TTC27: variants seen among roughly 807,000 people sequenced by gnomAD.
TTC27 encodes tetratricopeptide repeat domain 27.
In TTC27, 79 loss-of-function variants were observed where a neutral mutation model predicts 115.9. The ratio of observed to expected loss-of-function variants is 0.68; its 90% confidence interval spans 0.57 to 0.82. The LOEUF (loss-of-function observed/expected upper bound fraction) is 0.82. TTC27 is among the 40% of genes least tolerant of loss of function. The probability of loss-of-function intolerance (pLI) is 0.00; values close to 1 mark genes in which losing one functional copy is unlikely to be tolerated. For missense variants in TTC27, 1,054 were observed against 993.1 expected (o/e 1.06, Z -0.82); for synonymous variants, 401 against 356.0 (o/e 1.13, Z -1.42).
At chr2:32,637,840 C>G (rs895404110) in intron 3 of TTC27, among the ~76,000 whole-genome samples, 2 of 152,196 alleles carry the variant, frequency 1.3e-5, no homozygotes, top group Non-Finnish European at 2.9e-5. Flanking sequence ...TTGGGGTTCT[C>G]ACAGAATACC....
At chr2:32,711,958 T>C (rs1283143044) in intron 10 of TTC27, among the ~76,000 whole-genome samples, 1 of 151,716 alleles carries the variant, frequency 6.6e-6, no homozygotes, top group Non-Finnish European at 1.5e-5. Flanking sequence ...AAAAAAAGAC[T>C]TAAGGAAAAT....
chr2:32,819,803 C>A (rs1671619725), intron 19 of TTC27, among the ~76,000 whole-genome samples: 1 of 152,128 alleles, frequency 6.6e-6, no homozygotes, highest in African/African-American at 2.4e-5. Flanking sequence ...AGATTTGACC[C>A]CTTACAGTCT....
In TTC27 at chr2:32,790,966, C is replaced by T. The variant is rs1215688333; in HGVS notation, c.1998+3817C>T. On this transcript the variant is annotated intron_variant, in intron 16 of 19. Transcript: ENST00000317907. ...TTATTTCTTTTTTCTTGCCTAATTG[C>T]TCTGTCTAGGACTTCCAGTACTATG... Among the ~76,000 whole-genome samples the T allele has an allele frequency of 3.9e-5, 6 of 152,154 alleles. 2 individuals are homozygous for T. Among genetic ancestry groups the T allele is most frequent in the Admixed American group, 3.3e-4 (5 of 15,270 alleles).
At chr2:32,636,777 T>C (rs760489940) in intron 3 of TTC27, among the ~76,000 whole-genome samples, 9 of 152,144 alleles carry the variant, frequency 5.9e-5, no homozygotes, top group Non-Finnish European at 7.4e-5. Flanking sequence ...ACAAAGAGAT[T>C]TGTGGAAGCT....
chr2:32,656,361 G>A (rs1301129615), intron 5 of TTC27, among the ~76,000 whole-genome samples: 1 of 152,158 alleles, frequency 6.6e-6, no homozygotes, highest in African/African-American at 2.4e-5. Flanking sequence ...CGAAGTGGCT[G>A]ATACTTGCAC....
chr2:32,756,500 C>A (rs1166316746), intron 12 of TTC27, among the ~76,000 whole-genome samples: 1 of 152,196 alleles, frequency 6.6e-6, no homozygotes, highest in African/African-American at 2.4e-5. Context: ...TCCAGTTTCA[C>A]TTTCAGATTA....
intron 10 of TTC27, among the ~76,000 whole-genome samples, chr2:32,717,513 T>C (rs924315051): frequency 6.6e-6 from 1 of 152,236 alleles, no homozygotes; most frequent in African/African-American, 2.4e-5. Context: ...CAGCTACCAC[T>C]GCTTCTTTCC....
intron 7 of TTC27, among the ~76,000 whole-genome samples, chr2:32,669,006 G>GA (rs1370513643): frequency 1.3e-5 from 2 of 152,086 alleles, no homozygotes; most frequent in Non-Finnish European, 2.9e-5. Flanking sequence ...GTGAACCCGG[G>GA]AGGCGGAGCT....
At chr2:32,804,071 A>G (rs1671052196) in intron 16 of TTC27, among the ~76,000 whole-genome samples, 1 of 152,152 alleles carries the variant, frequency 6.6e-6, no homozygotes, top group Non-Finnish European at 1.5e-5. Context: ...TAGTCAATAA[A>G]CATTTGGAAA....
In TTC27 at chr2:32,676,644, C is replaced by T. The variant is rs57065900; in HGVS notation, c.1053-2212C>T. On this transcript the variant is annotated intron_variant, in intron 8 of 19. Coordinates refer to ENST00000317907, the MANE Select transcript of TTC27 (RefSeq NM_017735.5). Reference sequence around the variant, plus strand: ...TAGCTGGGATTATAGGCACTTGGCACCATGCCCAGCTAATTTTTGTAGTTT... The same window carrying T: ...TAGCTGGGATTATAGGCACTTGGCATCATGCCCAGCTAATTTTTGTAGTTT... Among the ~76,000 whole-genome samples the T allele has an allele frequency of 5.3e-3, 808 of 151,870 alleles. 8 individuals are homozygous for T. The highest frequency in any genetic ancestry group is 0.016 in the African/African-American group (672 of 41,430).
intron 10 of TTC27, among the ~76,000 whole-genome samples, chr2:32,714,459 G>A (rs566519305): frequency 9.2e-5 from 14 of 152,094 alleles, no homozygotes; most frequent in African/African-American, 3.1e-4. Context: ...CACCTGGCCA[G>A]GCCTACCCCA....
chr2:32,708,600 G>A (rs993211827), intron 10 of TTC27, among the ~76,000 whole-genome samples: 6 of 151,862 alleles, frequency 4.0e-5, no homozygotes, highest in East Asian at 1.9e-4. Context: ...GAGCCACTGC[G>A]CCCGGCCTCT....
chr2:32,695,448 C>T (rs192009708), intron 9 of TTC27, among the ~76,000 whole-genome samples: 32 of 151,520 alleles, frequency 2.1e-4, no homozygotes, highest in African/African-American at 6.3e-4. Context: ...AGGCCAGGCA[C>T]GGTGGCTCAC....
chr2:32,755,856 A>G (rs1416606694), intron 12 of TTC27, among the ~76,000 whole-genome samples: 1 of 152,238 alleles, frequency 6.6e-6, no homozygotes, highest in Non-Finnish European at 1.5e-5. Flanking sequence ...ACTTGGAAAC[A>G]GCCAACTTAC....
chr2:32,812,582 G>A lies in TTC27; in HGVS notation c.2275G>A (p.Glu759Lys), dbSNP rs527917669. 1.9e-6 allele frequency: 3 copies of A among 1,614,032 alleles called. No homozygotes were observed. The highest frequency in any genetic ancestry group is 2.2e-5 in the East Asian group (1 of 44,868). The change falls in exon 18 of 20, where the codon GAA (glutamate) becomes AAA (lysine). Residue 759 changes from glutamate (E) to lysine (K), a missense_variant. By Grantham distance (56) the Glu-to-Lys change is moderately conservative. Transcript: ENST00000317907. ...GGAGAAAGATATTACATCATTTAAG[G>A]AAGTTGTTCAAAGAGCCTTAGGACT... is the stretch of plus-strand genomic sequence containing the variant. Reference protein sequence around the residue: ...CWEKDITSFKEVVQRALGLAH... With the variant: ...CWEKDITSFKKVVQRALGLAH...
At chr2:32,676,247 C>T (rs1290211546) in intron 8 of TTC27, among the ~76,000 whole-genome samples, 1 of 151,952 alleles carries the variant, frequency 6.6e-6, no homozygotes. Context: ...TCTTATACCT[C>T]ATTCTACCTG....
intron 9 of TTC27, among the ~76,000 whole-genome samples, chr2:32,687,531 C>T (rs900298897): frequency 1.3e-5 from 2 of 152,004 alleles, no homozygotes; most frequent in African/African-American, 2.4e-5. Context: ...AATTAAAAAG[C>T]GAGAGACAAC....
At position 32,777,893 on chromosome 2, in the gene TTC27, G is replaced by T; in HGVS notation, c.1692G>T (p.Trp564Cys). 6.2e-7 allele frequency: 1 copy of T among 1,613,994 alleles called. No individual in the cohort carries two copies. The highest frequency in any genetic ancestry group is 8.5e-7 in the Non-Finnish European group (1 of 1,179,958). ...VKINPMQLGV[W>C]FSLGCAYLAL... is the part of the protein sequence containing the mutation. The stretch of plus-strand genomic sequence containing the variant: ...TTTGGTCTTTGCAGCTCGGGGTGTG[G>T]TTTTCTCTCGGTTGTGCCTATTTGG... Residue 564 changes from tryptophan (W) to cysteine (C), a missense_variant, in exon 14 of 20, where the codon TGG (tryptophan) becomes TGT (cysteine). Transcript: ENST00000317907.
intron 13 of TTC27, among the ~76,000 whole-genome samples, chr2:32,777,004 T>C (rs1670017466): frequency 6.6e-6 from 1 of 152,246 alleles, no homozygotes; most frequent in Non-Finnish European, 1.5e-5. Context: ...TCTGAATAGC[T>C]ACTTCCTATT....
Sources: allele counts gnomAD v4.1 joint callset (sites outside exome capture counted in the v4.1 genomes callset), GRCh38; gene constraint gnomAD v4.1.1; transcripts MANE v1.5; gene names NCBI Gene and HGNC (gene_info 2026-07-23, HGNC 2026-07-21).